Variants in LRRC34 observed in about 807,000 individuals in gnomAD.
The protein encoded by LRRC34 is leucine-rich repeat-containing protein 34.
Under a neutral mutation model 48.5 loss-of-function variants are expected in LRRC34, and 44 were observed. The observed-to-expected ratio is 0.91, with a 90% CI of 0.71 to 1.17. The LOEUF is 1.17. Ranked by LOEUF, LRRC34 falls within the 50% of genes most tolerant of loss-of-function variation. The probability of loss-of-function intolerance (pLI) is 0.00; values close to 1 mark genes in which losing one functional copy is unlikely to be tolerated. For synonymous variants in LRRC34, 192 were observed against 197.6 expected, an observed-to-expected ratio of 0.97 and a Z score of 0.24; for missense variants, 502 against 563.0, an observed-to-expected ratio of 0.89 and a Z score of 1.10.
rs1425789556 is a variant in LRRC34, at chr3:169,793,654, G to A, written c.1376C>T (p.Pro459Leu). 1 of 1,612,476 alleles carries A rather than the reference G, an allele frequency of 6.2e-7. No individual in the cohort carries two copies. The highest frequency in any genetic ancestry group is 1.3e-5 in the African/African-American group (1 of 74,868). Residue 459 changes from proline (P) to leucine (L), a missense_variant, in exon 11 of 11, where the codon CCA (proline) becomes CTA (leucine). Physicochemically the swap from Pro to Leu is moderately conservative, Grantham distance 98. Coordinates refer to ENST00000446859, the MANE Select transcript of LRRC34 (RefSeq NM_001172779.2). Reference sequence around the variant, plus strand: ...ACTTTTTCATGGCTGTTGACCTACTGGAACAAGAGCAAAACCTGCATTAGA... The same window carrying A: ...ACTTTTTCATGGCTGTTGACCTACTAGAACAAGAGCAAAACCTGCATTAGA... ...HSSNAGFALV[P>L]VGQQP
rs562373561 is a variant in LRRC34 at position 169,802,556 on chromosome 3, A to G, written c.657+1497T>C. On this transcript the variant is annotated intron_variant, in intron 6 of 10. Coordinates refer to ENST00000446859, the MANE Select transcript of LRRC34 (RefSeq NM_001172779.2). ...TAAAATATAAGTTTCATAAGGGCAG[A>G]GGCAGAGGCCATGTGATTCACTGTT... 3.3e-5 allele frequency among the ~76,000 whole-genome samples: 5 copies of G among 152,366 alleles called. 1 individual carries two copies. Among genetic ancestry groups the G allele is most frequent in the African/African-American group, 9.6e-5 (4 of 41,592 alleles).
Position 169,793,574 on chromosome 3 carries a change from G to T in LRRC34, c.*61C>A. The T allele has an allele frequency of 8.3e-7, 1 of 1,203,108 alleles. No individual in the cohort carries two copies. The highest frequency in any genetic ancestry group is 1.2e-6 in the Non-Finnish European group (1 of 841,156). The allele number at this position is 1,203,108 out of a possible 1,614,324, so 74.5% of individuals were successfully genotyped here. A position where few individuals can be genotyped will look rare whatever the true frequency, so the allele number is the denominator to read the frequency against. On this transcript the variant is annotated 3_prime_UTR_variant, in exon 11 of 11. Coordinates refer to ENST00000446859, the MANE Select transcript of LRRC34 (RefSeq NM_001172779.2). ...AATTTATAAAAGAAAATAGGCTATA[G>T]AATATTAATCTCTGTGAAACAATAA...
chr3:169,810,830 C>A (rs1039905078), intron 1 of LRRC34, among the ~76,000 whole-genome samples: 3 of 152,290 alleles, frequency 2.0e-5, no homozygotes, highest in Non-Finnish European at 4.4e-5. Context: ...TTTGGGAGGC[C>A]GAGGCGAGCG....
At chr3:169,810,498 T>C (rs1229713557) in intron 1 of LRRC34, among the ~76,000 whole-genome samples, 1 of 152,070 alleles carries the variant, frequency 6.6e-6, no homozygotes, top group Non-Finnish European at 1.5e-5. Flanking sequence ...GTCATGTGGA[T>C]AGATGTACGT....
In LRRC34 at chr3:169,809,004, C is replaced by T. The variant is rs147529804; in HGVS notation, c.140-259G>A. Among the ~76,000 whole-genome samples the T allele has an allele frequency of 1.8e-3, 269 of 152,198 alleles. 1 individual carries two copies. Among genetic ancestry groups the T allele is most frequent in the African/African-American group, 6.2e-3 (258 of 41,546 alleles). On this transcript the variant is annotated intron_variant, in intron 1 of 10. Transcript: ENST00000446859. ...TGGCAGACACTGGCTCAAGTGAGCA[C>T]CCTACGTTGGAAGTGACATAAAGGG...
In LRRC34 at chr3:169,796,030, T is replaced by C. The variant is rs1231723464; in HGVS notation, c.1064+184A>G. 4 of 1,284,712 alleles carry C rather than the reference T, an allele frequency of 3.1e-6. No individual in the cohort carries two copies. The East Asian group carries it at 9.2e-5, about 29-fold the overall frequency. 79.6% of individuals were successfully genotyped at this position (1,284,712 alleles called of 1,614,324 possible). ...TTGAAGGAATCGTTAATAGAATCAGTCTAATTGTAAAAGACATTACATTTG... is the reference window on the plus strand; with the variant it reads ...TTGAAGGAATCGTTAATAGAATCAGCCTAATTGTAAAAGACATTACATTTG... On this transcript the variant is annotated intron_variant, in intron 9 of 10. Transcript: ENST00000446859.
At chr3:169,798,148 A>G (rs1253939091) in intron 7 of LRRC34, among the ~76,000 whole-genome samples, 1 of 152,124 alleles carries the variant, frequency 6.6e-6, no homozygotes, top group Non-Finnish European at 1.5e-5. Context: ...GGGTTCCACT[A>G]TTGCTCTTCC....
intron 1 of LRRC34, 27 bp from the exon 2 acceptor site, chr3:169,808,772 CAT>C: frequency 8.4e-7 from 1 of 1,193,808 alleles, no homozygotes; most frequent in Non-Finnish European, 1.2e-6. Context: ...TCCTCTATCA[CAT>C]ATAAATTATT....
chr3:169,811,868 G>C (rs1036157412), intron 1 of LRRC34, among the ~76,000 whole-genome samples: 1 of 151,318 alleles, frequency 6.6e-6, no homozygotes, highest in Non-Finnish European at 1.5e-5. Context: ...ACACAGTTCC[G>C]TATCCACAAA....
intron 9 of LRRC34, chr3:169,795,912 TAC>T (rs1220055568): frequency 4.3e-6 from 5 of 1,160,268 alleles, no homozygotes; most frequent in South Asian, 7.3e-5. Flanking sequence ...AGTTCATTCT[TAC>T]TTTTAAAAGT....
In LRRC34 at chr3:169,801,512, C is replaced by G. The variant is rs561103724; in HGVS notation, c.658-758G>C. ...AAACCAGTGATCTAAAACCACCAAT[C>G]AGATCATTACCCCTCAGAGCTTTTC... On this transcript the variant is annotated intron_variant, in intron 6 of 10. Transcript: ENST00000446859. Among the ~76,000 whole-genome samples the G allele has an allele frequency of 1.6e-4, 24 of 152,306 alleles. 1 individual carries two copies. The highest frequency in any genetic ancestry group is 5.3e-4 in the African/African-American group (22 of 41,572).
At chr3:169,811,567 C>T (rs1036615871) in intron 1 of LRRC34, among the ~76,000 whole-genome samples, 1 of 152,120 alleles carries the variant, frequency 6.6e-6, no homozygotes, top group African/African-American at 2.4e-5. Flanking sequence ...TGTCAAGAAC[C>T]TAACCCAAAT....
At chr3:169,799,524 G>T (rs1256765079) in intron 7 of LRRC34, among the ~76,000 whole-genome samples, 1 of 152,068 alleles carries the variant, frequency 6.6e-6, no homozygotes, top group Non-Finnish European at 1.5e-5. Flanking sequence ...GGGCATGGTG[G>T]TGCATACCTG....
chr3:169,796,153 G>C, intron 9 of LRRC34, 61 bp downstream of exon 9: 1 of 1,527,452 alleles, frequency 6.5e-7, no homozygotes. Context: ...TAAGGGGATT[G>C]AGGTTAGTAT....
At chr3:169,799,183 C>A (rs557076516) in intron 7 of LRRC34, among the ~76,000 whole-genome samples, 1 of 152,000 alleles carries the variant, frequency 6.6e-6, no homozygotes, top group Admixed American at 6.6e-5. Flanking sequence ...AATTCTGGTA[C>A]CAAAAAGTGC....
chr3:169,807,243 A>G (rs892584030), intron 4 of LRRC34, among the ~76,000 whole-genome samples, 183 bp downstream of exon 4: 4 of 152,218 alleles, frequency 2.6e-5, no homozygotes, highest in Admixed American at 6.5e-5. Flanking sequence ...AAGATAACTT[A>G]GGAGCTCTAG....
At chr3:169,804,266 T>G in intron 5 of LRRC34, 85 bp from the exon 6 acceptor site, 1 of 1,119,766 alleles carries the variant, frequency 8.9e-7, no homozygotes, top group East Asian at 2.7e-5. Flanking sequence ...TATTACTATT[T>G]GCAGACTCCA....
At chr3:169,807,346 C>T in intron 4 of LRRC34, 80 bp downstream of exon 4, 1 of 1,303,014 alleles carries the variant, frequency 7.7e-7, no homozygotes, top group Non-Finnish European at 1.1e-6. Flanking sequence ...TCAGGTAAAA[C>T]TAGTGTTTTA....
intron 5 of LRRC34, 122 bp from the exon 6 acceptor site, chr3:169,804,303 A>G (rs1261294417): frequency 3.8e-6 from 3 of 797,452 alleles, no homozygotes; most frequent in Non-Finnish European, 5.4e-6. Flanking sequence ...AACACGATAT[A>G]TATTTTTTTT....
Sources: gnomAD v4.1 joint callset for allele counts (sites outside exome capture counted in the v4.1 genomes callset) on GRCh38, gnomAD v4.1.1 for gene constraint, MANE v1.5 for transcripts, NCBI Gene and HGNC (gene_info 2026-07-23, HGNC 2026-07-21) for gene names.